The following BACH2 variants were observed in gnomAD, a reference collection of about 807,000 sequenced individuals.
BACH2 encodes transcription regulator protein BACH2.
In BACH2, 5 loss-of-function variants were observed where a neutral mutation model predicts 61.8. That is an observed-to-expected ratio of 0.08 (90% confidence interval 0.04 to 0.17). BACH2 has a LOEUF of 0.17. Ranked by LOEUF, BACH2 falls within the 10% of genes least tolerant of loss-of-function variation. BACH2 has a pLI of 1.00. For synonymous variants in BACH2, 446 were observed against 440.1 expected (o/e 1.01, Z -0.17); for missense variants, 824 against 1,091.1 (o/e 0.76, Z 3.45).
In BACH2 at chr6:89,951,135, G is replaced by T. The variant is rs772342406; in HGVS notation, c.971C>A (p.Ala324Asp). Residue 324 changes from alanine to aspartate, a missense_variant, in exon 7 of 9, where the codon GCT becomes GAT. Physicochemically the swap from Ala to Asp is moderately radical, Grantham distance 126. Transcript: ENST00000257749. The surrounding 1 kb of genome is among the most constrained non-coding windows in gnomAD (Gnocchi z 6.4). Reference sequence around the variant, plus strand: ...GGATCTCTCCAGGCAGGCGGCCCCAGCTGGGGCCGTGGGGGTAGGGGCAGG... The same window carrying T: ...GGATCTCTCCAGGCAGGCGGCCCCATCTGGGGCCGTGGGGGTAGGGGCAGG... ...PSPAPTPTAP[A>D]GAACLERSRS... 1.2e-6 allele frequency: 2 copies of T among 1,609,670 alleles called. No individual in the cohort carries two copies. The highest frequency in any genetic ancestry group is 1.3e-5 in the African/African-American group (1 of 74,996).
intron 5 of BACH2, among the ~76,000 whole-genome samples, chr6:90,043,328 T>C (rs537300859): frequency 3.4e-4 from 52 of 152,294 alleles, no homozygotes; most frequent in African/African-American, 1.2e-3. Context: ...AATGGATTAA[T>C]GAGGGAGTGA....
rs4053606 is a variant in BACH2, at chr6:90,062,931, A to C, written c.-13+26030T>G. ...ACATTCCAGTTCCTGCTGATCTGAG[A>C]AGTCTCTTCCACTTGCGTTTTTCTT... On this transcript the variant is annotated intron_variant, in intron 5 of 8. Transcript: ENST00000257749. 0.054 allele frequency: 53,467 copies of C among 984,712 alleles called. 1,642 individuals carry two copies. Among genetic ancestry groups the C allele is most frequent in the Admixed American group, 0.12 (1,886 of 16,266 alleles). 61.0% of individuals were successfully genotyped at this position (984,712 alleles called of 1,614,324 possible). A position where few individuals can be genotyped will look rare whatever the true frequency, so the allele number is the denominator to read the frequency against.
At chr6:89,973,699 C>T (rs113211398) in intron 6 of BACH2, among the ~76,000 whole-genome samples, 2 of 151,542 alleles carry the variant, frequency 1.3e-5, no homozygotes, top group East Asian at 1.9e-4. Context: ...CCTGCTATAC[C>T]GGGTTATAAA....
At chr6:90,217,636 T>C (rs1000567816) in intron 3 of BACH2, among the ~76,000 whole-genome samples, 2 of 152,232 alleles carry the variant, frequency 1.3e-5, no homozygotes, top group Non-Finnish European at 2.9e-5. Context: ...TATTCTTTTA[T>C]GCATTCTTTT....
chr6:90,009,819 C>T (rs1335125659), intron 5 of BACH2, among the ~76,000 whole-genome samples: 15 of 152,062 alleles, frequency 9.9e-5, no homozygotes, highest in African/African-American at 2.9e-4. Context: ...CATGTGCCAC[C>T]GTGCCTAACT....
At chr6:90,269,250 G>A (rs1190215441) in intron 2 of BACH2, among the ~76,000 whole-genome samples, 1 of 152,036 alleles carries the variant, frequency 6.6e-6, no homozygotes, top group Admixed American at 6.6e-5. Context: ...TGCTGGGGGT[G>A]AGGGGTGGGA....
Position 89,963,708 on chromosome 6 carries a change from G to T in BACH2, c.244-11846C>A, listed in dbSNP as rs544841861. On this transcript the variant is annotated intron_variant, in intron 6 of 8. Transcript: ENST00000257749. ...ATGATCCAGCAAACCCAGTTTGGGG[G>T]ATATTTTCAAAAGAATCCAAAGCAG... Among the ~76,000 whole-genome samples, 3 of 152,296 alleles carry T rather than the reference G, an allele frequency of 2.0e-5. No individual in the cohort carries two copies. In the South Asian group the frequency reaches 6.2e-4, roughly 32 times the overall value.
intron 6 of BACH2, among the ~76,000 whole-genome samples, chr6:89,999,115 G>A (rs146011149): frequency 3.3e-5 from 5 of 152,328 alleles, no homozygotes; most frequent in African/African-American, 1.2e-4. Flanking sequence ...AACACACCGT[G>A]CTTTCACTGT....
At chr6:90,144,473 G>T (rs538337427) in intron 4 of BACH2, among the ~76,000 whole-genome samples, 17 of 152,336 alleles carry the variant, frequency 1.1e-4, no homozygotes, top group African/African-American at 4.1e-4. Flanking sequence ...GTAAGGCACT[G>T]GCAGAGCTGC....
intron 6 of BACH2, among the ~76,000 whole-genome samples, chr6:90,001,677 C>CAA (rs1335243172): frequency 6.6e-6 from 1 of 152,186 alleles, no homozygotes; most frequent in Admixed American, 6.5e-5. Context: ...GTGGATGGGA[C>CAA]AAAGCATAAA....
At chr6:90,081,445 C>T (rs972682602) in intron 5 of BACH2, among the ~76,000 whole-genome samples, 1 of 152,202 alleles carries the variant, frequency 6.6e-6, no homozygotes, top group Non-Finnish European at 1.5e-5. Context: ...AACACAATCG[C>T]AGATGCTACC....
intron 6 of BACH2, among the ~76,000 whole-genome samples, chr6:89,961,093 A>G (rs921561140): frequency 2.6e-5 from 4 of 152,184 alleles, no homozygotes; most frequent in Non-Finnish European, 1.5e-5. Context: ...CCATTCAGGT[A>G]TAGATGGTTA....
rs115781566 is a variant in BACH2 at position 90,079,061 on chromosome 6, T to C, written c.-13+9900A>G. Among the ~76,000 whole-genome samples the C allele has an allele frequency of 5.2e-3, 787 of 152,298 alleles. 11 individuals are homozygous for C. Among genetic ancestry groups the C allele is most frequent in the African/African-American group, 0.018 (736 of 41,572 alleles). On this transcript the variant is annotated intron_variant, in intron 5 of 8. Coordinates refer to ENST00000257749, the MANE Select transcript of BACH2 (RefSeq NM_021813.4). ...CAGTCAGTGGAATGGGACAGCACCA[T>C]CAATGGGATTGCGAAGGCACAAATT...
intron 4 of BACH2, among the ~76,000 whole-genome samples, chr6:90,156,986 A>G (rs1427660502): frequency 6.6e-6 from 1 of 152,216 alleles, no homozygotes; most frequent in Non-Finnish European, 1.5e-5. Context: ...AAAGGGGATG[A>G]ATCAGCTCAC....
chr6:90,226,380 T>A (rs1211057528), intron 3 of BACH2, among the ~76,000 whole-genome samples: 3 of 152,206 alleles, frequency 2.0e-5, no homozygotes. Context: ...TGCTGCTAAA[T>A]GTTTAAAAAC....
At chr6:90,237,291 C>T (rs998829580) in intron 3 of BACH2, among the ~76,000 whole-genome samples, 2 of 152,154 alleles carry the variant, frequency 1.3e-5, no homozygotes, top group Admixed American at 6.5e-5. Context: ...GTTAAATAGT[C>T]ATCCCTCCTC....
intron 7 of BACH2, among the ~76,000 whole-genome samples, chr6:89,949,110 C>T (rs1584516737): frequency 6.6e-6 from 1 of 152,178 alleles, no homozygotes; most frequent in Non-Finnish European, 1.5e-5. Context: ...GAAAAGCCAC[C>T]TCATCCCGTA....
chr6:90,077,703 T>A (rs930102811), intron 5 of BACH2, among the ~76,000 whole-genome samples: 1 of 152,204 alleles, frequency 6.6e-6, no homozygotes, highest in African/African-American at 2.4e-5. Context: ...ACCACTGTTT[T>A]ATATCTGTCC....
In BACH2 at chr6:89,932,919, T is replaced by C. The variant is rs201659232; in HGVS notation, c.2044-29A>G. ...GACAGTAGAGAAAAAAAGAGAAGGG[T>C]TGATCAAGCCTGAACTGGAGGACAG... On this transcript the variant is annotated intron_variant, in intron 8 of 8. Coordinates refer to ENST00000257749, the MANE Select transcript of BACH2 (RefSeq NM_021813.4). The C allele has an allele frequency of 1.9e-6, 3 of 1,541,240 alleles. No homozygotes were observed. The East Asian group carries it at 6.8e-5, about 35-fold the overall frequency.
Sources: gnomAD v4.1 joint callset for allele counts (sites outside exome capture counted in the v4.1 genomes callset) on GRCh38, gnomAD v4.1.1 for gene constraint, Gnocchi (gnomAD v3.1) non-coding constraint, MANE v1.5 for transcripts, NCBI Gene and HGNC (gene_info 2026-07-23, HGNC 2026-07-21) for gene names.